FAM168A: variants seen among roughly 807,000 people sequenced by gnomAD.
The protein encoded by FAM168A is protein FAM168A.
Under a neutral mutation model 28.5 loss-of-function variants are expected in FAM168A, and 3 were observed. That is an observed-to-expected ratio of 0.11 (90% CI 0.05 to 0.27). FAM168A has a LOEUF of 0.27. FAM168A is among the 10% of genes least tolerant of loss of function. The probability of loss-of-function intolerance (pLI) is 1.00; values close to 1 mark genes in which losing one functional copy is unlikely to be tolerated. For missense variants in FAM168A, 222 were observed against 311.5 expected (o/e 0.71, Z 2.16); for synonymous variants, 122 against 124.2 (o/e 0.98, Z 0.12).
intron 2 of FAM168A, among the ~76,000 whole-genome samples, chr11:73,454,305 C>T (rs867869688): frequency 9.9e-5 from 15 of 152,174 alleles, no homozygotes; most frequent in African/African-American, 3.1e-4. Context: ...TTAGAGCTAA[C>T]GGAAACTACT....
chr11:73,550,378 G>A (rs1943810906), intron 1 of FAM168A, among the ~76,000 whole-genome samples: 1 of 152,208 alleles, frequency 6.6e-6, no homozygotes, highest in Non-Finnish European at 1.5e-5. Flanking sequence ...TTAAGGCCAG[G>A]CTTGGTGGCT....
chr11:73,488,587 G>A (rs1868085990), intron 1 of FAM168A, among the ~76,000 whole-genome samples: 1 of 152,108 alleles, frequency 6.6e-6, no homozygotes, highest in South Asian at 2.1e-4. Context: ...GTTTTCAAGA[G>A]CTCCCACCAC....
At chr11:73,442,418 G>A (rs931747413) in intron 2 of FAM168A, among the ~76,000 whole-genome samples, 1 of 152,080 alleles carries the variant, frequency 6.6e-6, no homozygotes, top group African/African-American at 2.4e-5. Flanking sequence ...GAGCCACCGC[G>A]CCCGGCCTCT....
intron 1 of FAM168A, among the ~76,000 whole-genome samples, chr11:73,556,457 A>G (rs1943890521): frequency 6.6e-6 from 1 of 151,736 alleles, no homozygotes; most frequent in African/African-American, 2.4e-5. Context: ...GACAAATCCT[A>G]TATGATTCTA....
chr11:73,564,531 G>A (rs992804076), intron 1 of FAM168A, among the ~76,000 whole-genome samples: 7 of 151,572 alleles, frequency 4.6e-5, no homozygotes, highest in African/African-American at 1.7e-4. Context: ...AAGGTCAAGA[G>A]ATCAAGACCA....
intron 1 of FAM168A, among the ~76,000 whole-genome samples, chr11:73,504,246 A>G (rs1855065345): frequency 6.6e-6 from 1 of 152,236 alleles, no homozygotes; most frequent in Admixed American, 6.5e-5. Context: ...AAGTTTTGCA[A>G]TCTACCGATC....
intron 1 of FAM168A, among the ~76,000 whole-genome samples, chr11:73,496,823 G>A (rs1216461150): frequency 1.3e-5 from 2 of 151,474 alleles, no homozygotes; most frequent in African/African-American, 4.9e-5. Context: ...GCCTCCCAAA[G>A]TGCTGGGATT....
chr11:73,559,903 T>C (rs759300429), intron 1 of FAM168A, among the ~76,000 whole-genome samples: 21 of 152,196 alleles, frequency 1.4e-4, no homozygotes, highest in Non-Finnish European at 2.5e-4. Flanking sequence ...TAATCAAGCA[T>C]TGCTTGATTC....
At chr11:73,557,050 A>C (rs1317338464) in intron 1 of FAM168A, among the ~76,000 whole-genome samples, 1 of 152,038 alleles carries the variant, frequency 6.6e-6, no homozygotes, top group African/African-American at 2.4e-5. Flanking sequence ...GAGGAAAAAA[A>C]GCAATGGGAA....
intron 2 of FAM168A, among the ~76,000 whole-genome samples, chr11:73,446,912 C>T (rs1342795150): frequency 6.6e-6 from 1 of 152,180 alleles, no homozygotes. Flanking sequence ...TGGCAGCTTC[C>T]CACCACCAAG....
At chr11:73,581,877 C>T (rs952286019) in intron 1 of FAM168A, among the ~76,000 whole-genome samples, 3 of 152,078 alleles carry the variant, frequency 2.0e-5, no homozygotes, top group African/African-American at 7.2e-5. Context: ...CGCCACCATG[C>T]CCAGCTAATT....
At chr11:73,473,375 C>G (rs546710380) in intron 1 of FAM168A, among the ~76,000 whole-genome samples, 1 of 152,084 alleles carries the variant, frequency 6.6e-6, no homozygotes, top group African/African-American at 2.4e-5. Context: ...GGCCTCAAAC[C>G]CTTGTTCAAC....
intron 1 of FAM168A, among the ~76,000 whole-genome samples, chr11:73,547,594 C>T (rs557068188): frequency 3.9e-5 from 6 of 152,132 alleles, no homozygotes; most frequent in African/African-American, 1.2e-4. Context: ...CCCAGGAGTT[C>T]GAGGATAAGA....
At chr11:73,560,102 C>T (rs1049540499) in intron 1 of FAM168A, among the ~76,000 whole-genome samples, 1 of 152,142 alleles carries the variant, frequency 6.6e-6, no homozygotes, top group Non-Finnish European at 1.5e-5. Flanking sequence ...CTCACTCTGT[C>T]TCCCAGGCTG....
At chr11:73,503,429 G>A (rs1253721794) in intron 1 of FAM168A, among the ~76,000 whole-genome samples, 1 of 152,056 alleles carries the variant, frequency 6.6e-6, no homozygotes, top group Non-Finnish European at 1.5e-5. Flanking sequence ...AAATACCTAG[G>A]AATACAGCTA....
intron 1 of FAM168A, among the ~76,000 whole-genome samples, chr11:73,562,190 C>G (rs1418937995): frequency 6.6e-6 from 1 of 152,226 alleles, no homozygotes; most frequent in Non-Finnish European, 1.5e-5. Context: ...ATCCGCCTGC[C>G]CTGGCCTCCC....
intron 1 of FAM168A, among the ~76,000 whole-genome samples, chr11:73,500,493 C>A (rs537663824): frequency 6.6e-6 from 1 of 152,212 alleles, no homozygotes; most frequent in Admixed American, 6.5e-5. Flanking sequence ...CTCCTGACCA[C>A]ATGATCCACC....
intron 1 of FAM168A, among the ~76,000 whole-genome samples, chr11:73,586,884 T>C (rs1459907578): frequency 6.6e-6 from 1 of 152,196 alleles, no homozygotes; most frequent in East Asian, 1.9e-4. Context: ...CCAAGCCCAA[T>C]TAATTTTCTA....
chr11:73,417,111 G>A (rs2134490639), intron 4 of FAM168A, among the ~76,000 whole-genome samples: 1 of 152,300 alleles, frequency 6.6e-6, no homozygotes, highest in East Asian at 1.9e-4. Context: ...CTGTGGAAAG[G>A]GTTGCCTCTG....
Sources: gnomAD v4.1 joint callset for allele counts (sites outside exome capture counted in the v4.1 genomes callset) on GRCh38, gnomAD v4.1.1 for gene constraint, MANE v1.5 for transcripts, NCBI Gene and HGNC (gene_info 2026-07-23, HGNC 2026-07-21) for gene names.